Variants in RTN4RL1 observed in about 807,000 individuals in gnomAD.
RTN4RL1 encodes the protein reticulon-4 receptor-like 1.
A neutral mutation model predicts 25.6 loss-of-function variants in RTN4RL1; 7 were observed. The ratio of observed to expected loss-of-function variants is 0.27; its 90% confidence interval spans 0.16 to 0.51. The LOEUF (loss-of-function observed/expected upper bound fraction) is 0.51. Among genes scored for constraint, RTN4RL1 ranks in the 20% least tolerant of loss-of-function variants. The pLI, the probability that RTN4RL1 is intolerant of heterozygous loss-of-function variation, is 0.97. For synonymous variants in RTN4RL1, 297 were observed against 288.2 expected, an observed-to-expected ratio of 1.03 and a Z score of -0.31; for missense variants, 500 against 615.6, an observed-to-expected ratio of 0.81 and a Z score of 1.99.
chr17:1,967,945 GTC>G (rs1452080081), intron 1 of RTN4RL1, among the ~76,000 whole-genome samples: 1 of 152,094 alleles, frequency 6.6e-6, no homozygotes, highest in Non-Finnish European at 1.5e-5. Context: ...CCGGCCTCCA[GTC>G]TCTGTCTTGC....
Position 2,010,943 on chromosome 17 carries a change from T to G in RTN4RL1, c.13+13910A>C, listed in dbSNP as rs562467621. On this transcript the variant is annotated intron_variant, in intron 1 of 1. Coordinates refer to ENST00000331238, the MANE Select transcript of RTN4RL1 (RefSeq NM_178568.4). ...TGCCAAACCAGCAGTAGGCAGGCAG[T>G]TCATCGTTGTTAAATAAACGTTTGT... Among the ~76,000 whole-genome samples the G allele has an allele frequency of 3.6e-4, 55 of 152,184 alleles. 1 individual carries two copies. Among genetic ancestry groups the G allele is most frequent in the Non-Finnish European group, 6.9e-4 (47 of 68,012 alleles).
chr17:2,006,391 C>A (rs780458034), intron 1 of RTN4RL1, among the ~76,000 whole-genome samples: 1 of 151,492 alleles, frequency 6.6e-6, no homozygotes. Context: ...CGACTCCTGA[C>A]CTCAGGCAGT....
At chr17:1,967,772 C>G (rs370310247) in intron 1 of RTN4RL1, among the ~76,000 whole-genome samples, 1 of 152,020 alleles carries the variant, frequency 6.6e-6, no homozygotes, top group African/African-American at 2.4e-5. Context: ...CCCAAGTAGC[C>G]GGGAGTACAG....
intron 1 of RTN4RL1, among the ~76,000 whole-genome samples, chr17:1,953,989 C>T (rs895026773): frequency 2.0e-5 from 3 of 152,224 alleles, no homozygotes; most frequent in African/African-American, 4.8e-5. Context: ...ATGAAGGGAC[C>T]AGCCCAAAGG....
intron 1 of RTN4RL1, among the ~76,000 whole-genome samples, chr17:1,965,478 G>A (rs1766623024): frequency 6.6e-6 from 1 of 152,202 alleles, no homozygotes; most frequent in Non-Finnish European, 1.5e-5. Context: ...AGTTGGTCTT[G>A]AGTGGGGAAC....
At chr17:1,969,621 G>T (rs1360597381) in intron 1 of RTN4RL1, among the ~76,000 whole-genome samples, 1 of 152,048 alleles carries the variant, frequency 6.6e-6, no homozygotes, top group African/African-American at 2.4e-5. Flanking sequence ...TATAAAACTT[G>T]CCCACTCCTC....
At chr17:1,993,937 T>G (rs772051245) in intron 1 of RTN4RL1, among the ~76,000 whole-genome samples, 12 of 152,136 alleles carry the variant, frequency 7.9e-5, no homozygotes, top group Non-Finnish European at 1.2e-4. Flanking sequence ...GCCAAGGCTA[T>G]TAAGAGGAAA....
chr17:2,004,008 T>G (rs1198973782), intron 1 of RTN4RL1, among the ~76,000 whole-genome samples: 6 of 150,408 alleles, frequency 4.0e-5, no homozygotes, highest in African/African-American at 7.4e-5. Flanking sequence ...GAGGCGGAGG[T>G]TGCAGTGAGC....
At position 1,937,384 on chromosome 17, in the gene RTN4RL1, G is replaced by C. The variant is rs771569249; in HGVS notation, c.438C>G (p.Gly146=). 1 of 1,613,654 alleles carries C rather than the reference G, an allele frequency of 6.2e-7. No individual in the cohort carries two copies. The highest frequency in any genetic ancestry group is 8.5e-7 in the Non-Finnish European group (1 of 1,179,834). ...GLSALPAGVF[G]GLHSLQYLYL... is the part of the protein sequence containing the mutation. ...AGAGGTACTGCAGGCTGTGCAGGCC[G>C]CCAAAGACGCCGGCCGGCAAGGCGC... is the stretch of plus-strand genomic sequence containing the variant. Residue 146 remains glycine, a synonymous_variant, in exon 2 of 2, where the codon GGC becomes GGG. Coordinates refer to ENST00000331238, the MANE Select transcript of RTN4RL1 (RefSeq NM_178568.4).
intron 1 of RTN4RL1, among the ~76,000 whole-genome samples, chr17:1,967,187 T>G (rs1193649344): frequency 6.6e-6 from 1 of 151,732 alleles, no homozygotes; most frequent in African/African-American, 2.4e-5. Context: ...TATCAATTCT[T>G]TGGATTTTGC....
chr17:2,024,948 G>T lies in RTN4RL1; in HGVS notation c.-83C>A, dbSNP rs960050411. 1.5e-5 allele frequency: 22 copies of T among 1,433,440 alleles called. No homozygotes were observed. The highest frequency in any genetic ancestry group is 2.1e-5 in the Admixed American group (1 of 48,280). The allele number at this position is 1,433,440 out of a possible 1,614,324, so 88.8% of individuals were successfully genotyped here. ...AGATTCAAATCCCTGGGCGCCAGCT[G>T]CAGCTAATCCGAGCGCGTCGAGGCG... On this transcript the variant is annotated 5_prime_UTR_variant, in exon 1 of 2. An upstream open reading frame in the 5' UTR gains an earlier in-frame stop. Coordinates refer to ENST00000331238, the MANE Select transcript of RTN4RL1 (RefSeq NM_178568.4).
At chr17:1,969,058 C>CTTTTTTTTTTTTTTT (rs566553225) in intron 1 of RTN4RL1, among the ~76,000 whole-genome samples, 3 of 103,898 alleles carry the variant, frequency 2.9e-5, no homozygotes, top group Admixed American at 1.3e-4. Context: ...ACCACTGTCC[C>CTTTTTTTTTTTTTTT]TTTTTTTTTT....
chr17:1,992,342 G>A, intron 1 of RTN4RL1, among the ~76,000 whole-genome samples: 1 of 143,140 alleles, frequency 7.0e-6, no homozygotes, highest in African/African-American at 2.6e-5. Flanking sequence ...CTGGGTGACA[G>A]AGCGAGACTC....
intron 1 of RTN4RL1, among the ~76,000 whole-genome samples, chr17:2,006,144 G>A (rs2066993789): frequency 6.7e-6 from 1 of 148,174 alleles, no homozygotes; most frequent in Non-Finnish European, 1.5e-5. Flanking sequence ...TGTCATATTT[G>A]GGGGAGGTTT....
chr17:1,955,750 A>G (rs1915779779), intron 1 of RTN4RL1, among the ~76,000 whole-genome samples: 1 of 151,316 alleles, frequency 6.6e-6, no homozygotes, highest in Non-Finnish European at 1.5e-5. Context: ...TGCCCGGCGA[A>G]TTTTTGTATT....
chr17:1,954,547 C>G (rs1182986051), intron 1 of RTN4RL1, among the ~76,000 whole-genome samples: 1 of 152,084 alleles, frequency 6.6e-6, no homozygotes, highest in South Asian at 2.1e-4. Flanking sequence ...ACCACCACGC[C>G]AAGCTAGTTT....
At chr17:1,982,592 G>C (rs1465020336) in intron 1 of RTN4RL1, among the ~76,000 whole-genome samples, 1 of 151,438 alleles carries the variant, frequency 6.6e-6, no homozygotes, top group Non-Finnish European at 1.5e-5. Context: ...CCAGCCTGGG[G>C]GTCAGAGCGA....
chr17:1,996,668 G>A (rs572007757), intron 1 of RTN4RL1, among the ~76,000 whole-genome samples: 14 of 152,224 alleles, frequency 9.2e-5, no homozygotes, highest in Non-Finnish European at 1.9e-4. Flanking sequence ...AACAGCAGAC[G>A]CCTTTGATGA....
intron 1 of RTN4RL1, among the ~76,000 whole-genome samples, chr17:1,938,826 G>A (rs548906077): frequency 2.0e-5 from 3 of 151,760 alleles, no homozygotes; most frequent in South Asian, 2.1e-4. Context: ...CGAGGCAGGC[G>A]GATCACCTGA....
Sources: allele counts gnomAD v4.1 joint callset (sites outside exome capture counted in the v4.1 genomes callset), GRCh38; gene constraint gnomAD v4.1.1; transcripts MANE v1.5; gene names NCBI Gene and HGNC (gene_info 2026-07-23, HGNC 2026-07-21).